Variants in CELF1 observed in about 807,000 individuals in gnomAD.
The protein encoded by CELF1 is 50 kDa nuclear polyadenylated RNA-binding protein.
CELF1 carries 10 observed loss-of-function variants against 61.8 expected under a neutral mutation model. That is an observed-to-expected ratio of 0.16 (90% CI 0.10 to 0.27). The LOEUF (loss-of-function observed/expected upper bound fraction) is 0.27. Among genes scored for constraint, CELF1 ranks in the 10% least tolerant of loss-of-function variants. The pLI is 1.00. For synonymous variants in CELF1, 236 were observed against 225.1 expected (o/e 1.05, Z -0.43); for missense variants, 380 against 639.1 (o/e 0.59, Z 4.37).
chr11:47,529,887 C>T (rs546871304), intron 1 of CELF1, among the ~76,000 whole-genome samples: 2 of 152,098 alleles, frequency 1.3e-5, no homozygotes, highest in South Asian at 4.1e-4. Flanking sequence ...ATGAAGGGGA[C>T]TGATAACAGG....
At chr11:47,496,677 T>C (rs1386016617) in intron 3 of CELF1, among the ~76,000 whole-genome samples, 1 of 151,402 alleles carries the variant, frequency 6.6e-6, no homozygotes, top group Non-Finnish European at 1.5e-5. Context: ...GGCCTAAGGG[T>C]GATGAAGAAA....
upstream of CELF1, among the ~76,000 whole-genome samples, chr11:47,556,298 C>T (rs1027320239): frequency 2.6e-5 from 4 of 152,154 alleles, no homozygotes; most frequent in Non-Finnish European, 5.9e-5. Context: ...GATCCTTCCA[C>T]CAGAACCTTG....
At position 47,533,778 on chromosome 11, in the gene CELF1, C is replaced by CCAGCCTGG. The variant is rs1467344109; in HGVS notation, c.-154+19206_-154+19213dup. 1.0e-4 allele frequency among the ~76,000 whole-genome samples: 14 copies of CCAGCCTGG among 134,694 alleles called. No individual in the cohort carries two copies. The East Asian group carries it at 3.2e-3, about 31-fold the overall frequency. 88.4% of individuals were successfully genotyped at this position (134,694 alleles called of 152,430 possible). A position where few individuals can be genotyped will look rare whatever the true frequency, so the allele number is the denominator to read the frequency against. ...TGAGCTGAGATTGCTCAAGTGCACT[C>CCAGCCTGG]CAGCCTGGGCAATAGAGCGAGACTC... On this transcript the variant is annotated intron_variant, in intron 1 of 14. Transcript: ENST00000687097.
At chr11:47,560,311 G>T (rs576706432) in intron 2 of CELF1, among the ~76,000 whole-genome samples, 53 of 152,140 alleles carry the variant, frequency 3.5e-4, no homozygotes, top group Non-Finnish European at 8.8e-5. Context: ...AACAGAAAAG[G>T]CCAGAGGCAT....
At chr11:47,549,701 T>C (rs929931063) in intron 1 of CELF1, among the ~76,000 whole-genome samples, 3 of 152,162 alleles carry the variant, frequency 2.0e-5, no homozygotes, top group African/African-American at 4.8e-5. Context: ...CCAACAGGCA[T>C]AGAGTTTCAG....
At position 47,506,394 on chromosome 11, in the gene CELF1, T is replaced by A. The variant is rs748247715; in HGVS notation, c.-153-5462A>T. ...CAGTGAGCCAAGATCGCGCCACTGCTCTCCAGCCTGGGTGACAGAGCGAGA... is the reference window on the plus strand; with the variant it reads ...CAGTGAGCCAAGATCGCGCCACTGCACTCCAGCCTGGGTGACAGAGCGAGA... On this transcript the variant is annotated intron_variant, in intron 1 of 14. Transcript: ENST00000687097. Among the ~76,000 whole-genome samples the A allele has an allele frequency of 2.4e-3, 344 of 140,836 alleles. 9 individuals carry two copies. The highest frequency in any genetic ancestry group is 0.015 in the Middle Eastern group (4 of 262). The allele number at this position is 140,836 out of a possible 152,430, so 92.4% of individuals were successfully genotyped here.
At chr11:47,556,788 G>A (rs866957554), upstream of CELF1, among the ~76,000 whole-genome samples, 30 of 152,304 alleles carry the variant, frequency 2.0e-4, no homozygotes, top group Non-Finnish European at 8.8e-5. Flanking sequence ...AGCTGAGGTA[G>A]GAGGATCCCT....
In CELF1 at chr11:47,522,710, G is replaced by A. The variant is rs568585592; in HGVS notation, c.-153-21778C>T. ...GGTGTGGTGGCATGCGCTTGTAGTCGCAGCTACTCAGAGGCTGAGGCAGGA... is the reference window on the plus strand; with the variant it reads ...GGTGTGGTGGCATGCGCTTGTAGTCACAGCTACTCAGAGGCTGAGGCAGGA... On this transcript the variant is annotated intron_variant, in intron 1 of 14. Transcript: ENST00000687097. Among the ~76,000 whole-genome samples, 4 of 151,502 alleles carry A rather than the reference G, an allele frequency of 2.6e-5. No homozygotes were observed. The South Asian group carries it at 8.3e-4, about 32-fold the overall frequency.
intron 3 of CELF1, chr11:47,494,448 G>C (rs1160074061): frequency 1.0e-6 from 1 of 982,626 alleles, no homozygotes; most frequent in East Asian, 1.1e-4. Flanking sequence ...AACATACTAT[G>C]AGAAAATACA....
chr11:47,482,120 T>C (rs574179343), intron 9 of CELF1, among the ~76,000 whole-genome samples: 1 of 152,236 alleles, frequency 6.6e-6, no homozygotes, highest in South Asian at 2.1e-4. Context: ...GGAGAATCAC[T>C]TGAACCCGAG....
At chr11:47,524,161 A>G (rs2096108829) in intron 1 of CELF1, among the ~76,000 whole-genome samples, 1 of 152,292 alleles carries the variant, frequency 6.6e-6, no homozygotes, top group African/African-American at 2.4e-5. Context: ...CTCTTTCAAG[A>G]TGTGCACTAA....
chr11:47,531,672 C>T (rs762695305), intron 1 of CELF1, among the ~76,000 whole-genome samples: 26 of 152,348 alleles, frequency 1.7e-4, no homozygotes, highest in Middle Eastern at 3.4e-3. Context: ...CAAAAGCATT[C>T]GCAAAATGCA....
Position 47,472,954 on chromosome 11 carries a change from G to A in CELF1, c.1417+134C>T, listed in dbSNP as rs1037746074. ...AATGAGAAACTGGGGCTCAAAAAGA[G>A]GTCATAATGACCTGCCCATGGCCAA... On this transcript the variant is annotated intron_variant, in intron 14 of 14. Coordinates refer to ENST00000687097, the MANE Select transcript of CELF1 (RefSeq NM_001376376.1). 6 of 875,490 alleles carry A rather than the reference G, an allele frequency of 6.9e-6. No individual in the cohort carries two copies. The Admixed American group carries it at 1.2e-4, about 18-fold the overall frequency. The allele number at this position is 875,490 out of a possible 1,614,324, so 54.2% of individuals were successfully genotyped here.
At chr11:47,536,761 AAAT>A (rs1371262015) in intron 1 of CELF1, among the ~76,000 whole-genome samples, 1 of 152,216 alleles carries the variant, frequency 6.6e-6, no homozygotes, top group Non-Finnish European at 1.5e-5. Flanking sequence ...CCATTTCAAA[AAAT>A]AATAATAAAA....
intron 2 of CELF1, 164 bp from the exon 3 acceptor site, chr11:47,499,768 G>A (rs1176374909): frequency 7.6e-5 from 37 of 484,166 alleles, no homozygotes; most frequent in Non-Finnish European, 9.6e-5. Context: ...CACAATGAAA[G>A]TGCTGATGCG....
At chr11:47,487,092 A>G in intron 5 of CELF1, 67 bp downstream of exon 5, 2 of 1,241,530 alleles carry the variant, frequency 1.6e-6, no homozygotes, top group South Asian at 2.5e-5. Flanking sequence ...TGTGTGTCTG[A>G]TATGTGTAAG....
chr11:47,499,802 C>T, intron 2 of CELF1, 198 bp from the exon 3 acceptor site: 1 of 413,974 alleles, frequency 2.4e-6, no homozygotes, highest in South Asian at 3.2e-5. Flanking sequence ...GTGCAATTTT[C>T]CCTGGCGAAG....
intron 1 of CELF1, among the ~76,000 whole-genome samples, chr11:47,546,236 CTTTT>C (rs11315629): frequency 3.8e-5 from 3 of 79,192 alleles, no homozygotes; most frequent in African/African-American, 5.1e-5. Context: ...CTCTCAGTAT[CTTTT>C]TTTTTTTTTT....
intron 1 of CELF1, among the ~76,000 whole-genome samples, chr11:47,522,828 G>GAAAAAAAAA (rs1349865658): frequency 1.7e-5 from 1 of 60,208 alleles, no homozygotes; most frequent in African/African-American, 6.2e-5. Context: ...TCCATCTCCA[G>GAAAAAAAAA]AAAAAAAAAA....
Sources: gnomAD v4.1 joint callset for allele counts (sites outside exome capture counted in the v4.1 genomes callset) on GRCh38, gnomAD v4.1.1 for gene constraint, MANE v1.5 for transcripts, NCBI Gene and HGNC (gene_info 2026-07-23, HGNC 2026-07-21) for gene names.